DNAI2: variants seen among roughly 807,000 people sequenced by gnomAD.
DNAI2 encodes the protein dynein axonemal intermediate chain 2, also known as dynein, axonemal, intermediate polypeptide 2.
DNAI2 carries 63 observed loss-of-function variants against 74.7 expected under a neutral mutation model. The observed-to-expected ratio is 0.84, with a 90% confidence interval of 0.69 to 1.04. DNAI2 has a LOEUF of 1.04. Ranked by LOEUF, DNAI2 falls within the 50% of genes least tolerant of loss-of-function variation. The probability of loss-of-function intolerance (pLI) is 0.00; values close to 1 mark genes in which losing one functional copy is unlikely to be tolerated. For synonymous variants in DNAI2, 289 were observed against 314.9 expected (o/e 0.92, Z 0.87); for missense variants, 688 against 803.2 (o/e 0.86, Z 1.73).
chr17:74,314,162 AG>A lies in DNAI2; in HGVS notation c.1765del (p.Glu589ArgfsTer16). ...PEEDQVVEEG[E>X]EAAGEEGDEE... ...AAGAAGACCAGGTGGTGGAGGAGGG[AG>A]AGGAAGCAGCGGGGGAAGAAGGGGA... is the stretch of plus-strand genomic sequence containing the variant. On this transcript the variant is annotated frameshift_variant, in exon 13 of 14. Transcript: ENST00000311014. LOFTEE classifies it high-confidence loss of function. 6.2e-7 allele frequency: 1 copy of A among 1,614,178 alleles called. No homozygotes were observed. The highest frequency in any genetic ancestry group is 8.5e-7 in the Non-Finnish European group (1 of 1,180,014).
intron 8 of DNAI2, among the ~76,000 whole-genome samples, chr17:74,302,578 CAA>C (rs1341156166): frequency 2.0e-5 from 3 of 151,112 alleles, no homozygotes; most frequent in Admixed American, 6.6e-5. Flanking sequence ...AAAAAAAAAA[CAA>C]AGAAAAGAAA....
chr17:74,310,169 C>T lies in DNAI2; in HGVS notation c.1494+6C>T. ...AGAAGAACGTAGCCTCTTCCGTAAG[C>T]ACCGGGTGCCTGGGGAAAATCCCTC... On this transcript the variant is annotated splice_donor_region_variant and intron_variant, in intron 11 of 13. Transcript: ENST00000311014. The T allele has an allele frequency of 1.9e-6, 3 of 1,613,232 alleles. No individual in the cohort carries two copies. The highest frequency in any genetic ancestry group is 2.5e-6 in the Non-Finnish European group (3 of 1,180,000).
At chr17:74,289,839 G>T in intron 5 of DNAI2, 103 bp downstream of exon 5, 1 of 1,478,404 alleles carries the variant, frequency 6.8e-7, no homozygotes, top group Non-Finnish European at 9.3e-7. Context: ...ACACTCACGC[G>T]GTTGGTGCCT....
At chr17:74,278,761 G>C (rs2051228855) in intron 1 of DNAI2, among the ~76,000 whole-genome samples, 1 of 151,748 alleles carries the variant, frequency 6.6e-6, no homozygotes, top group South Asian at 2.1e-4. Context: ...GTAACAAAAT[G>C]AGATTCCATC....
intron 1 of DNAI2, among the ~76,000 whole-genome samples, chr17:74,277,069 G>T (rs139474667): frequency 2.6e-5 from 4 of 152,296 alleles, no homozygotes; most frequent in African/African-American, 7.2e-5. Context: ...ACCCAGGAAA[G>T]AGAATTTCCA....
At chr17:74,311,981 C>G (rs371775540) in intron 11 of DNAI2, 22 bp from the exon 12 acceptor site, 113 of 1,610,144 alleles carry the variant, frequency 7.0e-5, no homozygotes, top group Non-Finnish European at 9.1e-5. Flanking sequence ...CCACCGGGCT[C>G]TCTCTGTCCC....
chr17:74,281,742 G>A lies in DNAI2; in HGVS notation c.-11-65G>A, dbSNP rs754350448. 3 of 1,537,088 alleles carry A rather than the reference G, an allele frequency of 2.0e-6. No individual in the cohort carries two copies. The South Asian group carries it at 3.3e-5, about 17-fold the overall frequency. ...TGAGAACCTGGAGCTGTCCTGGCAG[G>A]ACCTGTGGAGATAGGGAAGGGGCCG... On this transcript the variant is annotated intron_variant, in intron 1 of 13. Coordinates refer to ENST00000311014, the MANE Select transcript of DNAI2 (RefSeq NM_023036.6).
chr17:74,305,670 C>CTTTT (rs4007906), intron 9 of DNAI2, among the ~76,000 whole-genome samples: 15 of 122,246 alleles, frequency 1.2e-4, no homozygotes, highest in Non-Finnish European at 2.0e-4. Context: ...ATTTTATTTC[C>CTTTT]TTTTTTTTTT....
At chr17:74,280,643 C>T (rs1041582265) in intron 1 of DNAI2, among the ~76,000 whole-genome samples, 1 of 152,088 alleles carries the variant, frequency 6.6e-6, no homozygotes, top group Non-Finnish European at 1.5e-5. Flanking sequence ...GGAGTTGGGT[C>T]ATTGGGTTGG....
At chr17:74,313,969 G>A (rs1471647218) in intron 12 of DNAI2, 152 bp from the exon 13 acceptor site, 1 of 1,262,118 alleles carries the variant, frequency 7.9e-7, no homozygotes, top group Non-Finnish European at 1.1e-6. Context: ...GCCCTCACCA[G>A]CCGCAGAGCT....
At chr17:74,285,920 A>T (rs1395010341) in intron 3 of DNAI2, among the ~76,000 whole-genome samples, 2 of 151,490 alleles carry the variant, frequency 1.3e-5, no homozygotes, top group Non-Finnish European at 2.9e-5. Context: ...GTCTGCAAGG[A>T]CAGGAAGAAG....
chr17:74,293,170 TG>T (rs771017771), intron 6 of DNAI2, among the ~76,000 whole-genome samples: 6 of 152,214 alleles, frequency 3.9e-5, no homozygotes, highest in Admixed American at 1.3e-4. Context: ...TGGGAGGTCT[TG>T]TCTATAGTGT....
At chr17:74,275,017 C>A (rs1263252760) in intron 1 of DNAI2, among the ~76,000 whole-genome samples, 1 of 152,190 alleles carries the variant, frequency 6.6e-6, no homozygotes, top group Non-Finnish European at 1.5e-5. Context: ...GGTTTCAAAT[C>A]CTTTGCTTGT....
intron 12 of DNAI2, among the ~76,000 whole-genome samples, chr17:74,312,790 G>A (rs1319688211): frequency 6.6e-6 from 1 of 152,220 alleles, no homozygotes; most frequent in Non-Finnish European, 1.5e-5. Flanking sequence ...GGAAAATGAG[G>A]AGATGTTGCT....
intron 6 of DNAI2, among the ~76,000 whole-genome samples, chr17:74,292,710 C>A (rs910472886): frequency 7.2e-5 from 11 of 152,086 alleles, no homozygotes. Context: ...CCACACCTGG[C>A]CTGATTTCAG....
rs529401265 is a variant in DNAI2, at chr17:74,287,103, C to A, written c.467+5C>A. On this transcript the variant is annotated splice_donor_5th_base_variant and intron_variant, in intron 4 of 13. Transcript: ENST00000311014. ...TAAAACCATCAATGTGTTCAGGTAGCGCCATAGCCAGGCAGGTGTCTGGCC... is the reference window on the plus strand; with the variant it reads ...TAAAACCATCAATGTGTTCAGGTAGAGCCATAGCCAGGCAGGTGTCTGGCC... The A allele has an allele frequency of 6.2e-7, 1 of 1,613,656 alleles. No individual in the cohort carries two copies. The highest frequency in any genetic ancestry group is 1.1e-5 in the South Asian group (1 of 91,000).
At chr17:74,311,925 C>G in intron 11 of DNAI2, 78 bp from the exon 12 acceptor site, 2 of 1,399,356 alleles carry the variant, frequency 1.4e-6, no homozygotes, top group Non-Finnish European at 2.0e-6. Context: ...CAGCAGAAGC[C>G]CCACCTGGCC....
At chr17:74,296,012 A>C (rs1010327569) in intron 6 of DNAI2, among the ~76,000 whole-genome samples, 3 of 152,056 alleles carry the variant, frequency 2.0e-5, no homozygotes, top group African/African-American at 7.2e-5. Flanking sequence ...TCAGCCAGAG[A>C]GTTTAGGGCT....
chr17:74,291,441 G>A (rs930643843), intron 6 of DNAI2, among the ~76,000 whole-genome samples: 1 of 152,206 alleles, frequency 6.6e-6, no homozygotes, highest in African/African-American at 2.4e-5. Flanking sequence ...TGGGATTACA[G>A]GTGTGGGCCA....
Sources: gnomAD v4.1 joint callset for allele counts (sites outside exome capture counted in the v4.1 genomes callset) on GRCh38, gnomAD v4.1.1 for gene constraint, MANE v1.5 for transcripts, NCBI Gene and HGNC (gene_info 2026-07-23, HGNC 2026-07-21) for gene names.